The following ICA1 variants were observed in gnomAD, a reference collection of about 807,000 sequenced individuals.
ICA1 encodes islet cell autoantigen 1.
ICA1 carries 40 observed loss-of-function variants against 71.0 expected under a neutral mutation model. That is an observed-to-expected ratio of 0.56 (90% confidence interval 0.44 to 0.73). ICA1 has a LOEUF of 0.73. Among genes scored for constraint, ICA1 ranks in the 30% least tolerant of loss-of-function variants. ICA1 has a pLI of 0.00. For missense variants in ICA1, 578 were observed against 576.5 expected, an observed-to-expected ratio of 1.00 and a Z score of -0.03; for synonymous variants, 207 against 209.5, an observed-to-expected ratio of 0.99 and a Z score of 0.10.
chr7:8,166,753 T>C (rs1354221264), intron 6 of ICA1, among the ~76,000 whole-genome samples: 1 of 151,942 alleles, frequency 6.6e-6, no homozygotes, highest in African/African-American at 2.4e-5. Context: ...CTGGCAAGGG[T>C]CTAATATCCA....
At chr7:8,207,219 T>C (rs1462384885) in intron 6 of ICA1, among the ~76,000 whole-genome samples, 1 of 152,192 alleles carries the variant, frequency 6.6e-6, no homozygotes, top group Non-Finnish European at 1.5e-5. Flanking sequence ...GGTGGTTGGA[T>C]AGAAGGAGCC....
intron 13 of ICA1, among the ~76,000 whole-genome samples, chr7:8,121,176 A>G (rs1584181980): frequency 6.6e-6 from 1 of 152,348 alleles, no homozygotes; most frequent in East Asian, 1.9e-4. Flanking sequence ...AGCAGATGGC[A>G]GGACTAACCC....
intron 6 of ICA1, among the ~76,000 whole-genome samples, chr7:8,176,668 G>T (rs992298061): frequency 5.3e-5 from 8 of 152,180 alleles, no homozygotes; most frequent in African/African-American, 1.9e-4. Context: ...CCACTACATA[G>T]TACTGCTCTT....
At chr7:8,237,485 A>G (rs1159158650) in intron 1 of ICA1, among the ~76,000 whole-genome samples, 1 of 152,182 alleles carries the variant, frequency 6.6e-6, no homozygotes, top group African/African-American at 2.4e-5. Flanking sequence ...TTAATTTAAA[A>G]GTGTACAGTA....
intron 1 of ICA1, among the ~76,000 whole-genome samples, chr7:8,260,523 G>A (rs776402540): frequency 1.1e-4 from 17 of 152,118 alleles, no homozygotes; most frequent in Non-Finnish European, 4.4e-5. Flanking sequence ...TAGCTTAACT[G>A]TTACGTTTTC....
chr7:8,157,289 T>A, intron 7 of ICA1, 75 bp from the exon 8 acceptor site: 1 of 1,331,932 alleles, frequency 7.5e-7, no homozygotes. Flanking sequence ...GAAGTATGAC[T>A]CTCTGTAGCT....
At chr7:8,215,923 G>A (rs940912537) in intron 6 of ICA1, among the ~76,000 whole-genome samples, 3 of 152,166 alleles carry the variant, frequency 2.0e-5, no homozygotes, top group African/African-American at 4.8e-5. Context: ...GAGAGAAATG[G>A]AGACTCTGTT....
chr7:8,240,134 C>T (rs568153796), intron 1 of ICA1, among the ~76,000 whole-genome samples: 8 of 152,334 alleles, frequency 5.3e-5, no homozygotes, highest in African/African-American at 1.9e-4. Context: ...GGAGACACCT[C>T]CCAGTAGGGG....
At chr7:8,151,023 C>T (rs1584579026) in intron 8 of ICA1, among the ~76,000 whole-genome samples, 1 of 152,204 alleles carries the variant, frequency 6.6e-6, no homozygotes, top group African/African-American at 2.4e-5. Context: ...ATCCAATGTT[C>T]CAAGGTTATT....
At chr7:8,117,847 G>A (rs150263225) in intron 13 of ICA1, among the ~76,000 whole-genome samples, 259 of 152,302 alleles carry the variant, frequency 1.7e-3, no homozygotes, top group Non-Finnish European at 2.4e-3. Flanking sequence ...AGGATTTAAT[G>A]CCACTTGTTC....
At chr7:8,253,605 TA>T (rs1416987785) in intron 1 of ICA1, among the ~76,000 whole-genome samples, 1 of 152,188 alleles carries the variant, frequency 6.6e-6, no homozygotes, top group Non-Finnish European at 1.5e-5. Context: ...ATATATCTTC[TA>T]TTTTTTTATA....
intron 12 of ICA1, among the ~76,000 whole-genome samples, chr7:8,133,424 T>TG (rs1792221404): frequency 6.6e-6 from 1 of 152,224 alleles, no homozygotes; most frequent in African/African-American, 2.4e-5. Context: ...CCACCATGCC[T>TG]GGCTAACTTT....
chr7:8,244,551 C>G lies in ICA1; in HGVS notation c.-79-8546G>C, dbSNP rs572105403. On this transcript the variant is annotated intron_variant, in intron 1 of 13. Transcript: ENST00000402384. ...AGCAATGGCAACAAAAGCCAAAATA[C>G]ACACATGGGATCTAATTAAACTAAA... is the stretch of plus-strand genomic sequence containing the variant. Among the ~76,000 whole-genome samples, 195 of 152,164 alleles carry G rather than the reference C, an allele frequency of 1.3e-3. 2 individuals carry two copies. The highest frequency in any genetic ancestry group is 9.0e-3 in the Admixed American group (137 of 15,270).
intron 6 of ICA1, among the ~76,000 whole-genome samples, chr7:8,170,784 A>AGCTTT (rs1361140578): frequency 1.3e-5 from 2 of 152,006 alleles, no homozygotes; most frequent in East Asian, 3.8e-4. Flanking sequence ...GAATGAAGAC[A>AGCTTT]GCTTTACTTC....
chr7:8,190,950 T>G (rs1233858590), intron 6 of ICA1, among the ~76,000 whole-genome samples: 1 of 152,198 alleles, frequency 6.6e-6, no homozygotes, highest in Non-Finnish European at 1.5e-5. Flanking sequence ...TTCTAAATTT[T>G]TACTGCCCTG....
At chr7:8,148,220 G>A (rs1014330347) in intron 8 of ICA1, among the ~76,000 whole-genome samples, 7 of 152,050 alleles carry the variant, frequency 4.6e-5, no homozygotes, top group South Asian at 2.1e-4. Context: ...GACAATAAAC[G>A]CTGTGACAGA....
rs940263705 is a variant in ICA1 at position 8,130,336 on chromosome 7, C to T, written c.1061-2194G>A. Among the ~76,000 whole-genome samples the T allele has an allele frequency of 6.6e-6, 1 of 152,192 alleles. No homozygotes were observed. Among genetic ancestry groups the T allele is most frequent in the Non-Finnish European group, 1.5e-5 (1 of 68,036 alleles). On this transcript the variant is annotated intron_variant, in intron 12 of 13. Transcript: ENST00000402384. This position sits in a 1 kb window ranked among gnomAD's most constrained non-coding sequence, Gnocchi z 4.2. ...ACTGTAAGGTCAGGCAGGTGGCCCA[C>T]CTCTGTGGATGAAGGCAGGAGCTGA...
At chr7:8,150,801 AT>A (rs1798535407) in intron 8 of ICA1, among the ~76,000 whole-genome samples, 2 of 152,194 alleles carry the variant, frequency 1.3e-5, no homozygotes, top group South Asian at 2.1e-4. Flanking sequence ...TTGCAGCTGT[AT>A]TTTTTAAAGG....
At position 8,123,512 on chromosome 7, in the gene ICA1, A is replaced by G. The variant is rs952762334; in HGVS notation, c.1330+4361T>C. 3.3e-5 allele frequency among the ~76,000 whole-genome samples: 5 copies of G among 152,320 alleles called. No homozygotes were observed. In the South Asian group the frequency reaches 1.0e-3, roughly 32 times the overall value. On this transcript the variant is annotated intron_variant, in intron 13 of 13. Coordinates refer to ENST00000402384, the MANE Select transcript of ICA1 (RefSeq NM_001136020.3). The surrounding 1 kb of genome is among the most constrained non-coding windows in gnomAD (Gnocchi z 4.1). ...CCCAGTCTCTCACGGAGAGCCAGGA[A>G]AACCTGAGATGCAGCAGGAGTGTGC...
Sources: gnomAD v4.1 joint callset for allele counts (sites outside exome capture counted in the v4.1 genomes callset) on GRCh38, gnomAD v4.1.1 for gene constraint, Gnocchi (gnomAD v3.1) non-coding constraint, MANE v1.5 for transcripts, NCBI Gene and HGNC (gene_info 2026-07-23, HGNC 2026-07-21) for gene names.